Variants in NUTM2E observed in about 807,000 individuals in gnomAD.
NUTM2E encodes family with sequence similarity 22, member E.
A neutral mutation model predicts 26.1 loss-of-function variants in NUTM2E; 3 were observed. The observed-to-expected ratio is 0.12, with a 90% CI of 0.05 to 0.30. The LOEUF (loss-of-function observed/expected upper bound fraction) is 0.30. Among genes scored for constraint, NUTM2E ranks in the 10% least tolerant of loss-of-function variants. The pLI is 1.00. For synonymous variants in NUTM2E, 13 were observed against 157.5 expected (o/e 0.08, Z 6.87); for missense variants, 62 against 381.3 (o/e 0.16, Z 6.97).
chr10:79,835,337 C>A (rs1390136899), intron 1 of NUTM2E, among the ~76,000 whole-genome samples: 13 of 151,262 alleles, frequency 8.6e-5, no homozygotes, highest in Non-Finnish European at 1.3e-4. Context: ...ATATGTTAAG[C>A]AACATAAATT....
At chr10:79,848,931 C>A in intron 8 of NUTM2E, 36 bp downstream of exon 8, 2 of 615,980 alleles carry the variant, frequency 3.2e-6, no homozygotes, top group Non-Finnish European at 5.0e-6. Flanking sequence ...CTGCTGGATT[C>A]CAGGGGCTGG....
At chr10:79,837,587 A>C (rs2478679) in intron 1 of NUTM2E, among the ~76,000 whole-genome samples, 1 of 128,062 alleles carries the variant, frequency 7.8e-6, no homozygotes, top group Non-Finnish European at 1.8e-5. Context: ...AGTGTCAATG[A>C]GATCCAGCAT....
At chr10:79,837,879 C>T (rs1841973806) in intron 1 of NUTM2E, among the ~76,000 whole-genome samples, 1 of 151,804 alleles carries the variant, frequency 6.6e-6, no homozygotes, top group Admixed American at 6.6e-5. Context: ...AGGAGCACAG[C>T]GTCTAACTAG....
At chr10:79,838,218 T>C (rs1017794862) in intron 1 of NUTM2E, among the ~76,000 whole-genome samples, 91 bp from the exon 2 acceptor site, 4 of 138,650 alleles carry the variant, frequency 2.9e-5, no homozygotes, top group African/African-American at 1.1e-4. Flanking sequence ...TGGAAGCTTT[T>C]CTTGACTTTG....
intron 1 of NUTM2E, among the ~76,000 whole-genome samples, chr10:79,829,935 A>C (rs1841915928): frequency 6.6e-6 from 1 of 151,106 alleles, no homozygotes; most frequent in Non-Finnish European, 1.5e-5. Context: ...CCACTGCTTT[A>C]AAATACATTT....
chr10:79,834,310 C>G lies in NUTM2E; in HGVS notation c.-2727-3999C>G, dbSNP rs535851476. On this transcript the variant is annotated intron_variant, in intron 1 of 9. Coordinates refer to ENST00000429984, the MANE Select transcript of NUTM2E (RefSeq NM_001355263.2). ...TCATGGCACATGTATACCTATGTAACAAGCCTGCATCTTCTACACATGTAT... is the reference window on the plus strand; with the variant it reads ...TCATGGCACATGTATACCTATGTAAGAAGCCTGCATCTTCTACACATGTAT... Among the ~76,000 whole-genome samples, 1,333 of 151,528 alleles carry G rather than the reference C, an allele frequency of 8.8e-3. 24 individuals are homozygous for G. Among genetic ancestry groups the G allele is most frequent in the Non-Finnish European group, 0.013 (910 of 67,792 alleles).
chr10:79,829,320 A>G (rs935501526), intron 1 of NUTM2E, among the ~76,000 whole-genome samples: 1 of 151,564 alleles, frequency 6.6e-6, no homozygotes, highest in African/African-American at 2.4e-5. Context: ...AGTATTTATT[A>G]TGTGTCAGAC....
intron 1 of NUTM2E, among the ~76,000 whole-genome samples, chr10:79,836,863 G>GAAAAACAAAAAC (rs113970185): frequency 6.6e-6 from 1 of 151,770 alleles, no homozygotes; most frequent in Admixed American, 6.6e-5. Context: ...TTCATGCCCA[G>GAAAAACAAAAAC]AAAAACAAAA....
At chr10:79,830,727 A>G (rs1841922618) in intron 1 of NUTM2E, among the ~76,000 whole-genome samples, 1 of 151,818 alleles carries the variant, frequency 6.6e-6, no homozygotes, top group Non-Finnish European at 1.5e-5. Context: ...AACATTTCAC[A>G]TGAACATCTT....
chr10:79,831,570 C>T (rs1048578235), intron 1 of NUTM2E, among the ~76,000 whole-genome samples: 2 of 151,804 alleles, frequency 1.3e-5, no homozygotes, highest in African/African-American at 4.8e-5. Context: ...AAGACCTCAT[C>T]AGACCATATT....
At chr10:79,828,200 T>C (rs1174471445) in intron 1 of NUTM2E, among the ~76,000 whole-genome samples, 1 of 151,966 alleles carries the variant, frequency 6.6e-6, no homozygotes, top group East Asian at 1.9e-4. Context: ...TAGGAATAAA[T>C]TTGTTTAGTC....
At chr10:79,831,776 AT>A (rs1393345091) in intron 1 of NUTM2E, among the ~76,000 whole-genome samples, 1 of 151,258 alleles carries the variant, frequency 6.6e-6, no homozygotes, top group Non-Finnish European at 1.5e-5. Context: ...TCCAAAATTA[AT>A]TACTGATAAT....
chr10:79,840,377 C>A lies in NUTM2E; in HGVS notation c.-1364C>A, dbSNP rs557691473. On this transcript the variant is annotated 5_prime_UTR_variant, in exon 4 of 10. In the 5' UTR this introduces an upstream ATG that the reference lacks. Coordinates refer to ENST00000429984, the MANE Select transcript of NUTM2E (RefSeq NM_001355263.2). ...GAGGGCTGCATGTAAGAAGGCAGTT[C>A]TGTCTCAGAGGACAAAAGGCCTGGG... 4.6e-4 allele frequency among the ~76,000 whole-genome samples: 67 copies of A among 144,488 alleles called. 2 individuals carry two copies. Among genetic ancestry groups the A allele is most frequent in the African/African-American group, 1.7e-3 (64 of 38,654 alleles). The allele number at this position is 144,488 out of a possible 152,430, so 94.8% of individuals were successfully genotyped here.
At chr10:79,837,869 A>C (rs1841973697) in intron 1 of NUTM2E, among the ~76,000 whole-genome samples, 1 of 151,932 alleles carries the variant, frequency 6.6e-6, no homozygotes, top group Non-Finnish European at 1.5e-5. Context: ...ACAGCCTTCA[A>C]GGAGCACAGC....
At position 79,838,953 on chromosome 10, in the gene NUTM2E, G is replaced by C. The variant is rs541630851; in HGVS notation, c.-2276G>C. 9.4e-4 allele frequency among the ~76,000 whole-genome samples: 140 copies of C among 148,470 alleles called. 5 individuals are homozygous for C. The highest frequency in any genetic ancestry group is 3.3e-3 in the African/African-American group (131 of 40,206). ...CAAGGCTCCTGCGGCGGCGCACAGGGCAGGCCAGGAGCCCGCCCTAGGAGG... is the reference window on the plus strand; with the variant it reads ...CAAGGCTCCTGCGGCGGCGCACAGGCCAGGCCAGGAGCCCGCCCTAGGAGG... On this transcript the variant is annotated 5_prime_UTR_variant, in exon 3 of 10. Transcript: ENST00000429984.
At position 79,840,086 on chromosome 10, in the gene NUTM2E, G is replaced by GCTGA. The variant is rs1475382164; in HGVS notation, c.-1648_-1645dup. On this transcript the variant is annotated 5_prime_UTR_variant, in exon 4 of 10. An upstream open reading frame in the 5' UTR gains an earlier in-frame stop. Transcript: ENST00000429984. Reference sequence around the variant, plus strand: ...ATGTGAGAATCTTGAGAAAGCATCAGCTGACTGACTTGACAAGGGAGGAAG... The same window carrying GCTGA: ...ATGTGAGAATCTTGAGAAAGCATCAGCTGACTGACTGACTTGACAAGGGAGGAAG... 4.0e-5 allele frequency among the ~76,000 whole-genome samples: 6 copies of GCTGA among 149,550 alleles called. No homozygotes were observed.
chr10:79,827,116 C>T lies in NUTM2E; in HGVS notation c.-2969C>T, dbSNP rs1477966957. 4 of 152,666 alleles carry T rather than the reference C, an allele frequency of 2.6e-5. 1 individual carries two copies. Among genetic ancestry groups the T allele is most frequent in the African/African-American group, 7.3e-5 (3 of 41,360 alleles). The allele number at this position is 152,666 out of a possible 1,614,324, so 9.5% of individuals were successfully genotyped here. A position where few individuals can be genotyped will look rare whatever the true frequency, so the allele number is the denominator to read the frequency against. On this transcript the variant is annotated 5_prime_UTR_variant, in exon 1 of 10. Coordinates refer to ENST00000429984, the MANE Select transcript of NUTM2E (RefSeq NM_001355263.2). Reference sequence around the variant, plus strand: ...GGTGCGCGGGGTTCGGTGCGAGCCCCTCGCCCCTGGCCGGGCCAGCCTCTT... The same window carrying T: ...GGTGCGCGGGGTTCGGTGCGAGCCCTTCGCCCCTGGCCGGGCCAGCCTCTT...
intron 3 of NUTM2E, among the ~76,000 whole-genome samples, 96 bp downstream of exon 3, chr10:79,839,211 C>T (rs1728339665): frequency 6.6e-6 from 1 of 150,678 alleles, no homozygotes; most frequent in South Asian, 2.1e-4. Context: ...CCTCAAATTG[C>T]ATGTCTTGCA....
chr10:79,831,020 A>T (rs1841924345), intron 1 of NUTM2E, among the ~76,000 whole-genome samples: 1 of 151,826 alleles, frequency 6.6e-6, no homozygotes, highest in Non-Finnish European at 1.5e-5. Flanking sequence ...ACAGCCATAG[A>T]TCTCTTTTGA....
Sources: allele counts gnomAD v4.1 joint callset (sites outside exome capture counted in the v4.1 genomes callset), GRCh38; gene constraint gnomAD v4.1.1; transcripts MANE v1.5; gene names NCBI Gene and HGNC (gene_info 2026-07-23, HGNC 2026-07-21).